CNTN3: variants seen among roughly 807,000 people sequenced by gnomAD.
CNTN3 encodes the protein contactin 3, also known as contactin-3.
Under a neutral mutation model 119.1 loss-of-function variants are expected in CNTN3, and 60 were observed. That is an observed-to-expected ratio of 0.50 (90% CI 0.41 to 0.62). The LOEUF is 0.62. CNTN3 is among the 20% of genes least tolerant of loss of function. CNTN3 has a pLI of 0.00. For missense variants in CNTN3, 1,101 were observed against 1,242.4 expected, an observed-to-expected ratio of 0.89 and a Z score of 1.71; for synonymous variants, 450 against 438.7, an observed-to-expected ratio of 1.03 and a Z score of -0.32.
intron 1 of CNTN3, among the ~76,000 whole-genome samples, chr3:74,533,220 A>G (rs1703717720): frequency 6.6e-6 from 1 of 151,832 alleles, no homozygotes; most frequent in Admixed American, 6.6e-5. Flanking sequence ...TTATAGAGTC[A>G]CTCCATTTTG....
At chr3:74,452,373 G>A (rs1434591490) in intron 4 of CNTN3, among the ~76,000 whole-genome samples, 1 of 129,516 alleles carries the variant, frequency 7.7e-6, no homozygotes, top group African/African-American at 3.1e-5. Flanking sequence ...TTTGTATCCT[G>A]AGACTTTGCT....
At chr3:74,611,306 A>G (rs951704640) in intron 1 of CNTN3, among the ~76,000 whole-genome samples, 7 of 152,208 alleles carry the variant, frequency 4.6e-5, no homozygotes, top group South Asian at 2.1e-4. Flanking sequence ...GAAATGCTAT[A>G]AAGTTCTGCC....
intron 4 of CNTN3, among the ~76,000 whole-genome samples, chr3:74,438,972 T>G (rs2106924334): frequency 6.6e-6 from 1 of 152,312 alleles, no homozygotes; most frequent in African/African-American, 2.4e-5. Context: ...CACTTCACCC[T>G]GCAACAACTT....
intron 4 of CNTN3, among the ~76,000 whole-genome samples, chr3:74,431,097 T>C (rs1357418852): frequency 1.1e-4 from 17 of 152,192 alleles, no homozygotes; most frequent in South Asian, 2.1e-4. Flanking sequence ...TTCTGGTGTA[T>C]AAAAGTCTTC....
Position 74,395,340 on chromosome 3 carries a change from C to T in CNTN3, c.455-23941G>A, listed in dbSNP as rs1705019924. ...CAGGTAATCTGAAAAAATGTTAAAA[C>T]ATCCACACTGCCTGTTATATCTTTA... On this transcript the variant is annotated intron_variant, in intron 5 of 22. Transcript: ENST00000263665. 3.3e-5 allele frequency among the ~76,000 whole-genome samples: 5 copies of T among 151,538 alleles called. No individual in the cohort carries two copies. In the South Asian group the frequency reaches 8.4e-4, roughly 25 times the overall value.
intron 4 of CNTN3, among the ~76,000 whole-genome samples, chr3:74,437,661 AAG>A: frequency 6.6e-6 from 1 of 152,128 alleles, no homozygotes; most frequent in Non-Finnish European, 1.5e-5. Context: ...GCTTTCTTAA[AAG>A]AGTTTCTTAT....
intron 8 of CNTN3, among the ~76,000 whole-genome samples, chr3:74,367,880 G>C (rs1035595118): frequency 2.6e-5 from 4 of 152,020 alleles, no homozygotes; most frequent in African/African-American, 9.7e-5. Flanking sequence ...TCTTATCCTA[G>C]ATCAAGTAGT....
intron 11 of CNTN3, among the ~76,000 whole-genome samples, chr3:74,360,520 T>G (rs1222616935): frequency 6.6e-6 from 1 of 152,188 alleles, no homozygotes; most frequent in African/African-American, 2.4e-5. Context: ...GTGTTAAGTT[T>G]CCTATTGCTG....
At chr3:74,537,881 G>T (rs973862561) in intron 1 of CNTN3, among the ~76,000 whole-genome samples, 43 of 152,208 alleles carry the variant, frequency 2.8e-4, no homozygotes, top group African/African-American at 8.7e-4. Flanking sequence ...GAGCTTGCAA[G>T]GAGATGGATC....
chr3:74,507,421 GAA>G (rs67370797), intron 2 of CNTN3, among the ~76,000 whole-genome samples: 1 of 139,152 alleles, frequency 7.2e-6, no homozygotes, highest in Non-Finnish European at 1.5e-5. Context: ...CCATCTCTAA[GAA>G]AAAAAAAAAA....
chr3:74,502,290 C>A (rs1391098008), intron 2 of CNTN3, among the ~76,000 whole-genome samples: 2 of 151,890 alleles, frequency 1.3e-5, no homozygotes, highest in Non-Finnish European at 2.9e-5. Flanking sequence ...ACGAAAAAGG[C>A]AAAGAGAGGT....
At chr3:74,427,318 G>T (rs917017147) in intron 4 of CNTN3, among the ~76,000 whole-genome samples, 1 of 152,180 alleles carries the variant, frequency 6.6e-6, no homozygotes, top group African/African-American at 2.4e-5. Context: ...TTAACAAGCA[G>T]AACCTGGCCA....
chr3:74,304,905 G>A (rs1254823335), intron 13 of CNTN3, among the ~76,000 whole-genome samples: 13 of 152,036 alleles, frequency 8.6e-5, no homozygotes. Context: ...GAGAATAAGA[G>A]AGATCCTCTC....
intron 4 of CNTN3, among the ~76,000 whole-genome samples, chr3:74,466,202 G>T (rs1041974856): frequency 6.6e-6 from 1 of 152,160 alleles, no homozygotes; most frequent in African/African-American, 2.4e-5. Context: ...CACACCAAGA[G>T]CAGAGAAAAC....
intron 5 of CNTN3, among the ~76,000 whole-genome samples, chr3:74,413,934 A>G (rs1172949297): frequency 6.6e-6 from 1 of 152,180 alleles, no homozygotes; most frequent in Admixed American, 6.5e-5. Flanking sequence ...ACAGACACAC[A>G]ATAACAACAA....
At chr3:74,575,348 T>C (rs2106657871) in intron 1 of CNTN3, among the ~76,000 whole-genome samples, 1 of 151,870 alleles carries the variant, frequency 6.6e-6, no homozygotes, top group South Asian at 2.1e-4. Context: ...GCCTCCCAGG[T>C]TCAAGCGATT....
intron 5 of CNTN3, among the ~76,000 whole-genome samples, chr3:74,416,155 C>G (rs1701516773): frequency 6.6e-6 from 1 of 152,120 alleles, no homozygotes; most frequent in Non-Finnish European, 1.5e-5. Context: ...TTCAGATATT[C>G]CCAGCCAGAC....
Position 74,478,018 on chromosome 3 carries a change from A to T in CNTN3, c.358+8438T>A, listed in dbSNP as rs552028623. On this transcript the variant is annotated intron_variant, in intron 4 of 22. Coordinates refer to ENST00000263665, the MANE Select transcript of CNTN3 (RefSeq NM_020872.3). ...GAAGTCATTTCTCTCTTAGTCCTGA[A>T]ATATTCCCAAACTAGGACTTACTAG... Among the ~76,000 whole-genome samples the T allele has an allele frequency of 1.5e-4, 23 of 152,256 alleles. 1 individual carries two copies. In the South Asian group the frequency reaches 4.6e-3, roughly 30 times the overall value.
intron 4 of CNTN3, among the ~76,000 whole-genome samples, chr3:74,465,750 A>T (rs1575753619): frequency 6.6e-6 from 1 of 152,164 alleles, no homozygotes; most frequent in East Asian, 1.9e-4. Context: ...TGAGGACACC[A>T]GGTCGCAGGG....
Sources: gnomAD v4.1 joint callset for allele counts (sites outside exome capture counted in the v4.1 genomes callset) on GRCh38, gnomAD v4.1.1 for gene constraint, MANE v1.5 for transcripts, NCBI Gene and HGNC (gene_info 2026-07-23, HGNC 2026-07-21) for gene names.